Variants in CSMD1 observed in about 807,000 individuals in gnomAD.
CSMD1 encodes the protein CUB and sushi domain-containing protein 1.
A neutral mutation model predicts 417.5 loss-of-function variants in CSMD1; 213 were observed. The observed-to-expected ratio is 0.51, with a 90% CI of 0.46 to 0.57. The LOEUF (loss-of-function observed/expected upper bound fraction) is 0.57. Among genes scored for constraint, CSMD1 ranks in the 20% least tolerant of loss-of-function variants. The probability of loss-of-function intolerance (pLI) is 0.00; values close to 1 mark genes in which losing one functional copy is unlikely to be tolerated. For missense variants in CSMD1, 6,923 were observed against 4,529.7 expected, an observed-to-expected ratio of 1.53 and a Z score of -15.17; for synonymous variants, 2,862 against 1,736.8, an observed-to-expected ratio of 1.65 and a Z score of -16.11.
intron 1 of CSMD1, among the ~76,000 whole-genome samples, chr8:4,773,617 T>C (rs957984413): frequency 1.2e-4 from 19 of 152,150 alleles, no homozygotes; most frequent in Non-Finnish European, 2.1e-4. Flanking sequence ...TCAGGAGTGT[T>C]TGTCATCTCC....
chr8:3,557,687 T>C (rs371619167), intron 10 of CSMD1, among the ~76,000 whole-genome samples: 1 of 152,130 alleles, frequency 6.6e-6, no homozygotes, highest in African/African-American at 2.4e-5. Context: ...CATTTTACAA[T>C]TCTCTCCACA....
rs186299608 is a variant in CSMD1, at chr8:3,432,492, T to C, written c.1562-22887A>G. Among the ~76,000 whole-genome samples, 61 of 150,946 alleles carry C rather than the reference T, an allele frequency of 4.0e-4. 1 individual carries two copies. Among genetic ancestry groups the C allele is most frequent in the African/African-American group, 1.4e-3 (59 of 41,324 alleles). On this transcript the variant is annotated intron_variant, in intron 12 of 69. Transcript: ENST00000635120. ...CCTTCCCATTACTGAAAGTTAAAAA[T>C]TGTTTTCAATATGGGCTTTTTTTTT...
chr8:4,600,135 G>A (rs923522891), intron 2 of CSMD1, among the ~76,000 whole-genome samples: 1 of 152,152 alleles, frequency 6.6e-6, no homozygotes, highest in African/African-American at 2.4e-5. Context: ...AGCACTTATT[G>A]CCTAGCTGGG....
chr8:3,712,342 A>G (rs2129041435), intron 6 of CSMD1, among the ~76,000 whole-genome samples: 1 of 151,950 alleles, frequency 6.6e-6, no homozygotes, highest in African/African-American at 2.4e-5. Flanking sequence ...CTGCCCTCAG[A>G]GCTGAGCAGA....
chr8:4,889,159 G>C (rs988704893), intron 1 of CSMD1, among the ~76,000 whole-genome samples: 4 of 152,048 alleles, frequency 2.6e-5, no homozygotes, highest in Non-Finnish European at 4.4e-5. Flanking sequence ...AAAAGAACAA[G>C]TTACTTTAAG....
chr8:3,839,203 T>C (rs1802934149), intron 5 of CSMD1, among the ~76,000 whole-genome samples: 1 of 125,654 alleles, frequency 8.0e-6, no homozygotes, highest in Non-Finnish European at 1.6e-5. Context: ...AATTAATATG[T>C]AATAAATTAA....
intron 41 of CSMD1, chr8:3,128,569 GTTTA>G (rs1224334825): frequency 7.2e-6 from 2 of 279,590 alleles, no homozygotes; most frequent in Non-Finnish European, 1.4e-5. Flanking sequence ...ACCTAGGAAT[GTTTA>G]TTTGACTTAC....
intron 3 of CSMD1, among the ~76,000 whole-genome samples, chr8:4,274,293 G>C (rs1029641144): frequency 6.6e-6 from 1 of 152,088 alleles, no homozygotes; most frequent in Non-Finnish European, 1.5e-5. Flanking sequence ...CTTATAACGT[G>C]AAGTATCACC....
Position 4,433,259 on chromosome 8 carries a change from C to T in CSMD1, c.303-13194G>A, listed in dbSNP as rs563180799. ...TATAAATGTACTACATTTGAATGAC[C>T]CCGAAACCATTTCCTCCCACACCCT... On this transcript the variant is annotated intron_variant, in intron 2 of 69. Transcript: ENST00000635120. 3.9e-5 allele frequency among the ~76,000 whole-genome samples: 6 copies of T among 152,104 alleles called. No individual in the cohort carries two copies. In the South Asian group the frequency reaches 1.3e-3, roughly 32 times the overall value.
chr8:3,412,817 C>T (rs1326033434), intron 12 of CSMD1, among the ~76,000 whole-genome samples: 1 of 152,200 alleles, frequency 6.6e-6, no homozygotes, highest in East Asian at 1.9e-4. Context: ...AAATTTAATG[C>T]TTGGGATGCC....
chr8:3,286,367 G>C (rs1239849489), intron 25 of CSMD1, among the ~76,000 whole-genome samples: 2 of 152,098 alleles, frequency 1.3e-5, no homozygotes, highest in Admixed American at 6.6e-5. Flanking sequence ...GGGTCAAATG[G>C]TATTTCCAGT....
chr8:3,776,615 T>A (rs75970073), intron 5 of CSMD1, among the ~76,000 whole-genome samples: 1 of 152,100 alleles, frequency 6.6e-6, no homozygotes, highest in South Asian at 2.1e-4. Flanking sequence ...ATTGACATTG[T>A]AGACTCCATA....
intron 7 of CSMD1, among the ~76,000 whole-genome samples, chr8:3,695,738 C>G (rs2623594): frequency 0.95 from 145,358 of 152,276 alleles, 69,445 homozygotes; most frequent in East Asian, 1. Context: ...GGAAGGATGA[C>G]AGCTAAACCC....
At chr8:4,898,900 C>T (rs7817861) in intron 1 of CSMD1, among the ~76,000 whole-genome samples, 1 of 152,296 alleles carries the variant, frequency 6.6e-6, no homozygotes, top group East Asian at 1.9e-4. Context: ...CATTATTTAT[C>T]GTTTAATAAG....
At chr8:4,260,891 A>G (rs1214719825) in intron 3 of CSMD1, among the ~76,000 whole-genome samples, 1 of 152,198 alleles carries the variant, frequency 6.6e-6, no homozygotes. Context: ...CGTGTTTGAT[A>G]TTATGATAGG....
chr8:3,921,803 A>C (rs939885638), intron 5 of CSMD1, among the ~76,000 whole-genome samples: 1 of 152,196 alleles, frequency 6.6e-6, no homozygotes, highest in Admixed American at 6.6e-5. Flanking sequence ...ATGGCCTAAC[A>C]TATGATCTAT....
At chr8:4,873,193 A>C (rs562429354) in intron 1 of CSMD1, among the ~76,000 whole-genome samples, 2 of 152,244 alleles carry the variant, frequency 1.3e-5, no homozygotes, top group Non-Finnish European at 2.9e-5. Flanking sequence ...GGCAACAATG[A>C]GTAATCTGTA....
chr8:4,392,927 C>A (rs1213048294), intron 3 of CSMD1, among the ~76,000 whole-genome samples: 3 of 151,952 alleles, frequency 2.0e-5, no homozygotes, highest in Non-Finnish European at 2.9e-5. Flanking sequence ...GGAGATCCTG[C>A]CACTGCACTC....
At chr8:3,219,688 C>G (rs1300488061) in intron 28 of CSMD1, among the ~76,000 whole-genome samples, 1 of 151,988 alleles carries the variant, frequency 6.6e-6, no homozygotes, top group East Asian at 1.9e-4. Flanking sequence ...ATTATTCTGA[C>G]CACAGCCAAA....
Sources: gnomAD v4.1 joint callset for allele counts (sites outside exome capture counted in the v4.1 genomes callset) on GRCh38, gnomAD v4.1.1 for gene constraint, MANE v1.5 for transcripts, NCBI Gene and HGNC (gene_info 2026-07-23, HGNC 2026-07-21) for gene names.